The following MUSK variants were observed in gnomAD, a reference collection of about 807,000 sequenced individuals.
MUSK encodes the protein muscle associated receptor tyrosine kinase.
MUSK carries 55 observed loss-of-function variants against 88.7 expected under a neutral mutation model. That is an observed-to-expected ratio of 0.62 (90% confidence interval 0.50 to 0.78). MUSK has a LOEUF of 0.78. Among genes scored for constraint, MUSK ranks in the 30% least tolerant of loss-of-function variants. The probability of loss-of-function intolerance (pLI) is 0.00; values close to 1 mark genes in which losing one functional copy is unlikely to be tolerated. For missense variants in MUSK, 1,015 were observed against 1,074.3 expected (o/e 0.94, Z 0.77); for synonymous variants, 387 against 391.9 (o/e 0.99, Z 0.15).
At position 110,802,061 on chromosome 9, in the gene MUSK, C is replaced by G. The variant is rs1319627862; in HGVS notation, c.*1073C>G. Among the ~76,000 whole-genome samples, 1 of 152,150 alleles carries G rather than the reference C, an allele frequency of 6.6e-6. No individual in the cohort carries two copies. The highest frequency in any genetic ancestry group is 1.5e-5 in the Non-Finnish European group (1 of 68,042). ...CCATAATTTATAATATGAGATTTCA[C>G]AAGATACACTTGTGGCTCTGAGTTA... On this transcript the variant is annotated 3_prime_UTR_variant, in exon 15 of 15. Transcript: ENST00000374448.
At chr9:110,676,552 C>T (rs1292740245) in intron 1 of MUSK, among the ~76,000 whole-genome samples, 1 of 151,976 alleles carries the variant, frequency 6.6e-6, no homozygotes, top group African/African-American at 2.4e-5. Context: ...CTCCCTCCCC[C>T]AATCCCACCT....
intron 3 of MUSK, among the ~76,000 whole-genome samples, chr9:110,689,916 C>CATATTTAAATATAATAAATAT (rs1554735625): frequency 1.3e-5 from 1 of 78,962 alleles, no homozygotes; most frequent in Non-Finnish European, 2.1e-5. Context: ...CATAAAAATA[C>CATATTTAAATATAATAAATAT]ATATTTAAAT....
At chr9:110,797,337 C>A (rs1050884436) in intron 14 of MUSK, among the ~76,000 whole-genome samples, 1 of 151,550 alleles carries the variant, frequency 6.6e-6, no homozygotes, top group African/African-American at 2.4e-5. Context: ...AGAGTTAGGG[C>A]AGTCGAGGCA....
intron 1 of MUSK, among the ~76,000 whole-genome samples, chr9:110,672,050 T>C (rs1185020350): frequency 2.0e-5 from 3 of 152,208 alleles, no homozygotes; most frequent in African/African-American, 4.8e-5. Context: ...ACAGCTGTCA[T>C]TGAAATCCAG....
intron 5 of MUSK, among the ~76,000 whole-genome samples, chr9:110,718,729 A>G (rs148615356): frequency 2.4e-3 from 362 of 152,196 alleles, no homozygotes; most frequent in Non-Finnish European, 3.8e-3. Flanking sequence ...AAGAAGCTCA[A>G]AGAACACCTG....
chr9:110,710,376 T>C (rs1032081266), intron 5 of MUSK, among the ~76,000 whole-genome samples: 1 of 152,192 alleles, frequency 6.6e-6, no homozygotes, highest in African/African-American at 2.4e-5. Flanking sequence ...GATAGCATAT[T>C]CACAGTGTCT....
chr9:110,782,294 C>A (rs2077773284), intron 11 of MUSK, among the ~76,000 whole-genome samples: 1 of 152,148 alleles, frequency 6.6e-6, no homozygotes, highest in Non-Finnish European at 1.5e-5. Flanking sequence ...CCAAAGAGAT[C>A]ATTGATGTAG....
At chr9:110,788,664 C>T (rs1205516291) in intron 14 of MUSK, among the ~76,000 whole-genome samples, 3 of 150,510 alleles carry the variant, frequency 2.0e-5, no homozygotes, top group East Asian at 1.9e-4. Context: ...TCTGTGCTCT[C>T]ATAGAGCATA....
rs963354640 is a variant in MUSK at position 110,762,068 on chromosome 9, G to C, written c.914-134G>C. On this transcript the variant is annotated intron_variant, in intron 7 of 14. Coordinates refer to ENST00000374448, the MANE Select transcript of MUSK (RefSeq NM_005592.4). ...AGCATCTGGCCTCCTAGCAGAAGCG[G>C]AGAACTTTTCAGAAACTTAGAGATC... The C allele has an allele frequency of 3.8e-6, 4 of 1,047,550 alleles. No individual in the cohort carries two copies. The African/African-American group carries it at 4.9e-5, about 13-fold the overall frequency. 64.9% of individuals were successfully genotyped at this position (1,047,550 alleles called of 1,614,324 possible). A position where few individuals can be genotyped will look rare whatever the true frequency, so the allele number is the denominator to read the frequency against.
intron 1 of MUSK, among the ~76,000 whole-genome samples, chr9:110,679,438 C>T (rs1051310795): frequency 6.6e-6 from 1 of 151,906 alleles, no homozygotes; most frequent in African/African-American, 2.4e-5. Context: ...TTTTCCCTCC[C>T]CTTTATTTTT....
intron 5 of MUSK, among the ~76,000 whole-genome samples, chr9:110,717,434 C>T (rs1169127172): frequency 1.3e-5 from 2 of 149,738 alleles, no homozygotes; most frequent in Non-Finnish European, 2.9e-5. Flanking sequence ...TCTAACAGCA[C>T]CTTCCCTCAT....
intron 5 of MUSK, among the ~76,000 whole-genome samples, chr9:110,700,666 C>G (rs4403485): frequency 0.47 from 71,806 of 151,844 alleles, 17,579 homozygotes; most frequent in East Asian, 0.86. Flanking sequence ...ATATTAATGA[C>G]ACTGAGCTCA....
chr9:110,688,815 T>C (rs900426086), intron 3 of MUSK, among the ~76,000 whole-genome samples: 1 of 151,778 alleles, frequency 6.6e-6, no homozygotes, highest in African/African-American at 2.4e-5. Flanking sequence ...TATGGCTCTG[T>C]AGTATTCCAT....
At position 110,804,534 on chromosome 9, in the gene MUSK, CA is replaced by C. The variant is rs2078136746; in HGVS notation, c.*3547del. ...ATGTTTCTTGTTCCTAGGTCATTAA[CA>C]GTTTTTATTTTGGCAATTGTCTACA... On this transcript the variant is annotated 3_prime_UTR_variant, in exon 15 of 15. Coordinates refer to ENST00000374448, the MANE Select transcript of MUSK (RefSeq NM_005592.4). Among the ~76,000 whole-genome samples the C allele has an allele frequency of 6.6e-6, 1 of 151,888 alleles. No homozygotes were observed. Among genetic ancestry groups the C allele is most frequent in the Non-Finnish European group, 1.5e-5 (1 of 67,880 alleles).
intron 7 of MUSK, among the ~76,000 whole-genome samples, chr9:110,761,567 C>CTT (rs1168716499): frequency 0.021 from 1,118 of 52,726 alleles, 448 homozygotes; most frequent in Non-Finnish European, 0.031. Flanking sequence ...CCACATCTTG[C>CTT]TTTTTTTTTT....
intron 7 of MUSK, among the ~76,000 whole-genome samples, chr9:110,750,802 A>G (rs539818550): frequency 5.9e-5 from 9 of 152,294 alleles, no homozygotes; most frequent in African/African-American, 1.9e-4. Context: ...TACTTATAGC[A>G]TCCTAAATAA....
intron 2 of MUSK, among the ~76,000 whole-genome samples, chr9:110,686,092 T>C (rs2076192795): frequency 6.6e-6 from 1 of 152,116 alleles, no homozygotes; most frequent in African/African-American, 2.4e-5. Context: ...AAAATCAAAG[T>C]GTTGGCAGGG....
intron 7 of MUSK, among the ~76,000 whole-genome samples, chr9:110,754,967 T>C (rs1376810859): frequency 6.6e-6 from 1 of 152,246 alleles, no homozygotes; most frequent in Non-Finnish European, 1.5e-5. Context: ...ATCATTGGCA[T>C]CACCTCTTAG....
At chr9:110,748,892 T>C (rs1247470866) in intron 7 of MUSK, among the ~76,000 whole-genome samples, 15 of 152,184 alleles carry the variant, frequency 9.9e-5, no homozygotes, top group African/African-American at 3.1e-4. Context: ...CCCTCTCCTT[T>C]CTCCCCCCAG....
Sources: allele counts gnomAD v4.1 joint callset (sites outside exome capture counted in the v4.1 genomes callset), GRCh38; gene constraint gnomAD v4.1.1; transcripts MANE v1.5; gene names NCBI Gene and HGNC (gene_info 2026-07-23, HGNC 2026-07-21).